Variants in NUP98 observed in about 807,000 individuals in gnomAD.
NUP98 encodes the protein nuclear pore complex protein Nup98-Nup96.
Under a neutral mutation model 191.9 loss-of-function variants are expected in NUP98, and 26 were observed. The observed-to-expected ratio is 0.14, with a 90% CI of 0.10 to 0.19. The LOEUF (loss-of-function observed/expected upper bound fraction) is 0.19. Among genes scored for constraint, NUP98 ranks in the 10% least tolerant of loss-of-function variants. The probability of loss-of-function intolerance (pLI) is 1.00; values close to 1 mark genes in which losing one functional copy is unlikely to be tolerated. For missense variants in NUP98, 1,941 were observed against 2,178.8 expected, an observed-to-expected ratio of 0.89 and a Z score of 2.17; for synonymous variants, 808 against 778.4, an observed-to-expected ratio of 1.04 and a Z score of -0.63.
chr11:3,759,490 G>A (rs866086313), intron 10 of NUP98, among the ~76,000 whole-genome samples: 5 of 151,956 alleles, frequency 3.3e-5, no homozygotes, highest in South Asian at 4.1e-4. Context: ...CCAGCGACTC[G>A]GGAGGCTGAG....
At chr11:3,763,703 C>T (rs769768760) in intron 8 of NUP98, among the ~76,000 whole-genome samples, 14 of 152,094 alleles carry the variant, frequency 9.2e-5, no homozygotes, top group Non-Finnish European at 2.1e-4. Flanking sequence ...GGCACGCCAC[C>T]AGGCCTGGCT....
Position 3,702,637 on chromosome 11 carries a change from T to C in NUP98, c.3338A>G (p.Lys1113Arg), listed in dbSNP as rs1589989760. ...GAATAGGGCCATGTCCATCAAGAGT[T>C]TTCCCTTGCCATAGGTGACAGACTT... is the stretch of plus-strand genomic sequence containing the variant. ...REKSVTYGKG[K>R]LLMDMALFMG... The change falls in exon 23 of 33, where the codon AAA becomes AGA. Residue 1113 changes from lysine to arginine, a missense_variant. Coordinates refer to ENST00000324932, the MANE Select transcript of NUP98 (RefSeq NM_016320.5). 1.9e-6 allele frequency: 3 copies of C among 1,614,070 alleles called. No homozygotes were observed. The highest frequency in any genetic ancestry group is 2.5e-6 in the Non-Finnish European group (3 of 1,180,026).
chr11:3,743,541 A>G (rs1416867938), intron 12 of NUP98, among the ~76,000 whole-genome samples: 1 of 148,440 alleles, frequency 6.7e-6, no homozygotes, highest in African/African-American at 2.5e-5. Flanking sequence ...CAGCTACTCA[A>G]GAGGCTGAGG....
In NUP98 at chr11:3,722,855, C is replaced by T. The variant is rs1048088000; in HGVS notation, c.2146+302G>A. On this transcript the variant is annotated intron_variant, in intron 16 of 32. Coordinates refer to ENST00000324932, the MANE Select transcript of NUP98 (RefSeq NM_016320.5). ...AACAAAAAACAATAAGCAATCTATC[C>T]GAGTTTACAAAGCCAGGGAAAATAT... 2.6e-5 allele frequency among the ~76,000 whole-genome samples: 4 copies of T among 152,108 alleles called. No homozygotes were observed. The South Asian group carries it at 6.2e-4, about 24-fold the overall frequency.
rs759843800 is a variant in NUP98 at position 3,731,417 on chromosome 11, G to A, written c.1704C>T (p.Ser568=). The change falls in exon 14 of 33, where the codon TCC becomes TCT. Residue 568 remains serine, a synonymous_variant. Transcript: ENST00000324932. ...LFDGLDDDEP[S]LANGAFMPKK... ...TGGGCATGAATGCTCCATTGGCTAG[G>A]GATGGTTCATCGTCATCCAGCCCAT... The A allele has an allele frequency of 1.9e-6, 3 of 1,600,722 alleles. No individual in the cohort carries two copies. The highest frequency in any genetic ancestry group is 2.6e-6 in the Non-Finnish European group (3 of 1,172,830).
At position 3,684,665 on chromosome 11, in the gene NUP98, T is replaced by G. The variant is rs577449710; in HGVS notation, c.4677-1224A>C. ...AGAAACTGCTTAAAGAAAGAGAAAT[T>G]GCTTAAGTCTTAATAAGACTATGCT... On this transcript the variant is annotated intron_variant, in intron 29 of 32. Coordinates refer to ENST00000324932, the MANE Select transcript of NUP98 (RefSeq NM_016320.5). 6.2e-4 allele frequency among the ~76,000 whole-genome samples: 93 copies of G among 150,734 alleles called. 1 individual carries two copies. Among genetic ancestry groups the G allele is most frequent in the African/African-American group, 2.2e-3 (90 of 40,908 alleles).
intron 11 of NUP98, among the ~76,000 whole-genome samples, chr11:3,748,926 G>C (rs1275028835): frequency 6.6e-6 from 1 of 151,062 alleles, no homozygotes; most frequent in African/African-American, 2.4e-5. Context: ...TGCTTTCTGG[G>C]GTATAATGAG....
intron 18 of NUP98, among the ~76,000 whole-genome samples, chr11:3,714,484 G>C (rs2079114331): frequency 6.6e-6 from 1 of 152,184 alleles, no homozygotes; most frequent in Non-Finnish European, 1.5e-5. Context: ...CAGAGTTCAA[G>C]TGTTGTATCC....
rs556807510 is a variant in NUP98 at position 3,719,506 on chromosome 11, G to C, written c.2305C>G (p.Leu769Val). 2.4e-5 allele frequency: 38 copies of C among 1,590,898 alleles called. No homozygotes were observed. Among genetic ancestry groups the C allele is most frequent in the Non-Finnish European group, 3.0e-5 (35 of 1,170,988 alleles). Residue 769 changes from leucine to valine, a missense_variant, in exon 18 of 33, where the codon CTA becomes GTA. Leu to Val is a conservative substitution (Grantham distance 32). Transcript: ENST00000324932. ...YFEGDVNLTN[L>V]NLDDIVHIRR... ...ATATGCACAATATCATCCAAATTTAGATTTGTCAAATTCACATCTCCTTCA... is the reference window on the plus strand; with the variant it reads ...ATATGCACAATATCATCCAAATTTACATTTGTCAAATTCACATCTCCTTCA...
chr11:3,767,100 G>C (rs192976879), intron 8 of NUP98, among the ~76,000 whole-genome samples: 3 of 152,152 alleles, frequency 2.0e-5, no homozygotes, highest in Admixed American at 1.3e-4. Flanking sequence ...GCGTAGCTTG[G>C]ATTAGTCACC....
intron 12 of NUP98, among the ~76,000 whole-genome samples, chr11:3,742,377 C>T (rs1281326564): frequency 6.6e-6 from 1 of 152,046 alleles, no homozygotes; most frequent in African/African-American, 2.4e-5. Context: ...AGTTACAGGA[C>T]AGAAAATATT....
chr11:3,690,384 T>C (rs1211930519), intron 28 of NUP98, among the ~76,000 whole-genome samples: 1 of 152,044 alleles, frequency 6.6e-6, no homozygotes, highest in East Asian at 1.9e-4. Flanking sequence ...CTCAGCCTCC[T>C]GAGTAGCTGG....
At chr11:3,766,308 G>C (rs1275494538) in intron 8 of NUP98, among the ~76,000 whole-genome samples, 1 of 152,132 alleles carries the variant, frequency 6.6e-6, no homozygotes, top group Admixed American at 6.6e-5. Context: ...AGGAGGCGGA[G>C]GACGCAGTGA....
chr11:3,707,921 A>T (rs1272566039), intron 20 of NUP98, among the ~76,000 whole-genome samples: 2 of 151,572 alleles, frequency 1.3e-5, no homozygotes, highest in Admixed American at 1.3e-4. Flanking sequence ...GTCAACATGA[A>T]GAAACCCTGT....
At chr11:3,785,790 C>G (rs1294072519) in intron 1 of NUP98, among the ~76,000 whole-genome samples, 5 of 151,922 alleles carry the variant, frequency 3.3e-5, no homozygotes, top group African/African-American at 1.2e-4. Flanking sequence ...CTAGATAATA[C>G]AGATATTTGC....
At chr11:3,722,739 G>C (rs919311015) in intron 16 of NUP98, among the ~76,000 whole-genome samples, 1 of 152,104 alleles carries the variant, frequency 6.6e-6, no homozygotes, top group South Asian at 2.1e-4. Flanking sequence ...CCTGATCCCT[G>C]GAGGTTGAGG....
intron 10 of NUP98, among the ~76,000 whole-genome samples, chr11:3,754,836 G>A (rs2080900035): frequency 3.3e-5 from 5 of 151,366 alleles, no homozygotes; most frequent in Non-Finnish European, 7.4e-5. Context: ...CAACCACTTG[G>A]GAGGCTGAAG....
chr11:3,791,948 G>A (rs1471803977), intron 1 of NUP98, among the ~76,000 whole-genome samples: 1 of 151,806 alleles, frequency 6.6e-6, no homozygotes, highest in Non-Finnish European at 1.5e-5. Flanking sequence ...GGGAGGCGGA[G>A]GTGAGCGGAT....
chr11:3,780,310 C>G (rs889690302), intron 2 of NUP98, among the ~76,000 whole-genome samples: 1 of 147,916 alleles, frequency 6.8e-6, no homozygotes, highest in Admixed American at 6.8e-5. Context: ...GCAAGCAGAT[C>G]ATGAGGTCAG....
Sources: allele counts gnomAD v4.1 joint callset (sites outside exome capture counted in the v4.1 genomes callset), GRCh38; gene constraint gnomAD v4.1.1; transcripts MANE v1.5; gene names NCBI Gene and HGNC (gene_info 2026-07-23, HGNC 2026-07-21).